Variants in RGL3 observed in about 807,000 individuals in gnomAD.
The protein encoded by RGL3 is ral guanine nucleotide dissociation stimulator like 3.
RGL3 carries 85 observed loss-of-function variants against 90.6 expected under a neutral mutation model. The observed-to-expected ratio is 0.94, with a 90% CI of 0.79 to 1.12. RGL3 has a LOEUF of 1.12. Ranked by LOEUF, RGL3 falls within the 50% of genes most tolerant of loss-of-function variation. The pLI is 0.00. For synonymous variants in RGL3, 408 were observed against 385.5 expected (o/e 1.06, Z -0.68); for missense variants, 1,034 against 939.2 (o/e 1.10, Z -1.32).
chr19:11,414,737 A>C (rs1968964223), intron 5 of RGL3, among the ~76,000 whole-genome samples: 1 of 151,502 alleles, frequency 6.6e-6, no homozygotes, highest in Non-Finnish European at 1.5e-5. Context: ...TATTCAGCAA[A>C]CTAATCTGTG....
chr19:11,407,052 C>G (rs1178449997), intron 5 of RGL3, 188 bp from the exon 6 acceptor site: 2 of 534,464 alleles, frequency 3.7e-6, no homozygotes, highest in Non-Finnish European at 6.5e-6. Flanking sequence ...ATGGCGCAAT[C>G]TCAGCTGACC....
intron 9 of RGL3, 50 bp downstream of exon 9, chr19:11,405,097 T>TC (rs769516850): frequency 2.0e-6 from 3 of 1,508,092 alleles, no homozygotes; most frequent in Non-Finnish European, 2.8e-6. Context: ...CCCAAGTCCC[T>TC]CCCCCGACTT....
chr19:11,400,140 C>A, intron 14 of RGL3, 32 bp from the exon 15 acceptor site: 1 of 1,588,982 alleles, frequency 6.3e-7, no homozygotes, highest in Non-Finnish European at 8.6e-7. Flanking sequence ...GAGGCTAAGG[C>A]AGGAGCAGCC....
chr19:11,412,298 A>G (rs389841), intron 5 of RGL3, among the ~76,000 whole-genome samples: 237 of 151,602 alleles, frequency 1.6e-3, no homozygotes, highest in Middle Eastern at 6.8e-3. Flanking sequence ...AAAAAAAAAA[A>G]AGTAAGCCTG....
Position 11,406,645 on chromosome 19 carries a change from G to A in RGL3, c.781-11C>T. ...CTTGGAGAAGAGCTCCTGGGCCAGG[G>A]GAGGGGTGTGGGATTGGTGCTTAGC... On this transcript the variant is annotated splice_polypyrimidine_tract_variant and intron_variant, in intron 6 of 18. Coordinates refer to ENST00000380456, the MANE Select transcript of RGL3 (RefSeq NM_001035223.4). 6.3e-7 allele frequency: 1 copy of A among 1,576,076 alleles called. No homozygotes were observed. The highest frequency in any genetic ancestry group is 8.6e-7 in the Non-Finnish European group (1 of 1,160,514).
chr19:11,406,968 G>T, intron 5 of RGL3, 104 bp from the exon 6 acceptor site: 1 of 1,160,812 alleles, frequency 8.6e-7, no homozygotes, highest in South Asian at 1.5e-5. Context: ...TTCCTCATTT[G>T]TAAAACGGAG....
chr19:11,405,114 C>T (rs1288354341), intron 9 of RGL3, 33 bp downstream of exon 9: 1 of 1,589,336 alleles, frequency 6.3e-7, no homozygotes, highest in Non-Finnish European at 8.6e-7. Context: ...ACTTCCCGGG[C>T]CTAAAATCCC....
rs772919210 is a variant in RGL3 at position 11,419,239 on chromosome 19, C to G, written c.33+7G>C. Reference sequence around the variant, plus strand: ...ATGCGGGGTCCGGGGATCCCTTGTCCCCTTACCAGGGCCAGCTCTTTGCCT... The same window carrying G: ...ATGCGGGGTCCGGGGATCCCTTGTCGCCTTACCAGGGCCAGCTCTTTGCCT... On this transcript the variant is annotated splice_region_variant and intron_variant, in intron 1 of 18. Transcript: ENST00000380456. The G allele has an allele frequency of 6.3e-7, 1 of 1,594,304 alleles. No homozygotes were observed. Among genetic ancestry groups the G allele is most frequent in the Non-Finnish European group, 8.5e-7 (1 of 1,171,574 alleles).
chr19:11,416,944 T>C lies in RGL3; in HGVS notation c.263A>G (p.Gln88Arg). The C allele has an allele frequency of 6.2e-7, 1 of 1,614,060 alleles. No individual in the cohort carries two copies. Among genetic ancestry groups the C allele is most frequent in the Non-Finnish European group, 8.5e-7 (1 of 1,180,006 alleles). ...GAAGGCGGGCATGAAGCTGGGGTCC[T>C]GCTCACGGTCTCCAAACACCAACTC... ...VGELVFGDREQDPSFMPAFLA... is the reference protein window; with the variant it reads ...VGELVFGDRERDPSFMPAFLA... Residue 88 changes from glutamine to arginine, a missense_variant, in exon 3 of 19, where the codon CAG becomes CGG. Coordinates refer to ENST00000380456, the MANE Select transcript of RGL3 (RefSeq NM_001035223.4).
intron 5 of RGL3, among the ~76,000 whole-genome samples, chr19:11,407,397 T>C (rs1968802499): frequency 6.6e-6 from 1 of 152,082 alleles, no homozygotes; most frequent in African/African-American, 2.4e-5. Flanking sequence ...GGAGGTACTA[T>C]TATTTATCCA....
intron 9 of RGL3, 26 bp from the exon 10 acceptor site, chr19:11,402,732 G>C (rs980094353): frequency 4.4e-6 from 7 of 1,603,090 alleles, no homozygotes; most frequent in Non-Finnish European, 5.1e-6. Context: ...AACTGAGCCA[G>C]GTCTGGGGTC....
chr19:11,409,007 T>C (rs1968829016), intron 5 of RGL3: 1 of 151,538 alleles, frequency 6.6e-6, no homozygotes, highest in African/African-American at 2.4e-5. Context: ...CGAAACCCTG[T>C]CTCTACTAAA....
rs1394221722 is a variant in RGL3, at chr19:11,416,360, T to C, written c.426-212A>G. On this transcript the variant is annotated intron_variant, in intron 4 of 18. Transcript: ENST00000380456. ...CGCCACCACACCCAGCTACCTTTTT[T>C]TGTTGTTGTTGTATTTTTAGTAGAG... 4 of 609,790 alleles carry C rather than the reference T, an allele frequency of 6.6e-6. No individual in the cohort carries two copies. In the African/African-American group the frequency reaches 8.1e-5, roughly 12 times the overall value. 37.8% of individuals were successfully genotyped at this position (609,790 alleles called of 1,614,324 possible). A position where few individuals can be genotyped will look rare whatever the true frequency, so the allele number is the denominator to read the frequency against.
intron 9 of RGL3, among the ~76,000 whole-genome samples, chr19:11,404,535 C>T (rs566670863): frequency 6.6e-6 from 1 of 151,980 alleles, no homozygotes; most frequent in African/African-American, 2.4e-5. Context: ...TCAATACAAA[C>T]AAACAAAGAA....
intron 5 of RGL3, among the ~76,000 whole-genome samples, chr19:11,411,761 T>C (rs1293511850): frequency 1.3e-5 from 2 of 152,084 alleles, no homozygotes; most frequent in Non-Finnish European, 2.9e-5. Context: ...CAGCTGGGAC[T>C]ATAGGCAGTC....
intron 18 of RGL3, 42 bp downstream of exon 18, chr19:11,397,202 C>T: frequency 6.4e-7 from 1 of 1,559,692 alleles, no homozygotes; most frequent in Non-Finnish European, 8.8e-7. Context: ...TGCTCGCCTC[C>T]CCGCTGCCCC....
At chr19:11,410,304 A>G (rs1281424743) in intron 5 of RGL3, among the ~76,000 whole-genome samples, 1 of 151,820 alleles carries the variant, frequency 6.6e-6, no homozygotes, top group Non-Finnish European at 1.5e-5. Context: ...CCCTGCCCCA[A>G]TACTATTATT....
At chr19:11,414,180 CCTATATATATAT>C (rs1243092332) in intron 5 of RGL3, among the ~76,000 whole-genome samples, 22 of 48,792 alleles carry the variant, frequency 4.5e-4, no homozygotes, top group African/African-American at 1.8e-3. Context: ...TATATATACA[CCTATATATATAT>C]ACCTTTATAT....
intron 9 of RGL3, among the ~76,000 whole-genome samples, chr19:11,403,520 A>G (rs1038412170): frequency 1.3e-5 from 2 of 150,658 alleles, no homozygotes; most frequent in Non-Finnish European, 3.0e-5. Flanking sequence ...TATTTCTGTA[A>G]TCCCAGCTAC....
Sources: gnomAD v4.1 joint callset for allele counts (sites outside exome capture counted in the v4.1 genomes callset) on GRCh38, gnomAD v4.1.1 for gene constraint, MANE v1.5 for transcripts, NCBI Gene and HGNC (gene_info 2026-07-23, HGNC 2026-07-21) for gene names.